Variants in MGMT observed in about 807,000 individuals in gnomAD.
MGMT encodes O-6-methylguanine-DNA methyltransferase, also known as methylated-DNA--protein-cysteine methyltransferase.
A neutral mutation model predicts 15.9 loss-of-function variants in MGMT; 14 were observed. The ratio of observed to expected loss-of-function variants is 0.88; its 90% CI spans 0.58 to 1.37. The LOEUF (loss-of-function observed/expected upper bound fraction) is 1.37, where lower values mean the gene tolerates loss of function less well. MGMT is among the 40% of genes most tolerant of loss of function. The pLI, the probability that MGMT is intolerant of heterozygous loss-of-function variation, is 0.00. For synonymous variants in MGMT, 130 were observed against 118.2 expected (o/e 1.10, Z -0.65); for missense variants, 282 against 268.1 (o/e 1.05, Z -0.36).
chr10:129,710,803 CT>C (rs1848224637), intron 3 of MGMT, among the ~76,000 whole-genome samples: 1 of 152,350 alleles, frequency 6.6e-6, no homozygotes, highest in East Asian at 1.9e-4. Flanking sequence ...AATCAACCTG[CT>C]TTGCAGACTG....
intron 3 of MGMT, among the ~76,000 whole-genome samples, chr10:129,750,811 T>G (rs995943394): frequency 2.0e-5 from 3 of 152,236 alleles, no homozygotes; most frequent in Non-Finnish European, 2.9e-5. Context: ...TTGTGTCTGT[T>G]CTTTTACCAA....
chr10:129,702,837 G>T (rs369482605), intron 2 of MGMT, among the ~76,000 whole-genome samples: 1 of 152,174 alleles, frequency 6.6e-6, no homozygotes. Context: ...CATGAGCGTG[G>T]GCTACGGAGC....
intron 1 of MGMT, among the ~76,000 whole-genome samples, chr10:129,521,421 G>A (rs1325488318): frequency 1.3e-5 from 2 of 152,182 alleles, no homozygotes; most frequent in Non-Finnish European, 2.9e-5. Context: ...CCTGCAGTGT[G>A]AAGATTCTTC....
At chr10:129,588,486 A>G (rs1454737951) in intron 2 of MGMT, among the ~76,000 whole-genome samples, 2 of 151,692 alleles carry the variant, frequency 1.3e-5, no homozygotes, top group African/African-American at 2.4e-5. Context: ...TCCCTTTTTT[A>G]TTGCCCTCTG....
At chr10:129,581,409 C>T (rs867375919) in intron 2 of MGMT, among the ~76,000 whole-genome samples, 5 of 152,184 alleles carry the variant, frequency 3.3e-5, no homozygotes, top group South Asian at 4.1e-4. Context: ...GGCCCCAGGT[C>T]TTTCTGACCC....
intron 2 of MGMT, among the ~76,000 whole-genome samples, chr10:129,646,719 A>AATATATACATATATATAT (rs1847393057): frequency 8.6e-5 from 7 of 81,718 alleles, no homozygotes; most frequent in African/African-American, 3.3e-4. Flanking sequence ...GCCCATCAGA[A>AATATATACATATATATAT]ATATATATAT....
At chr10:129,544,912 TCTGTTTCTCC>T (rs2119776487) in intron 2 of MGMT, among the ~76,000 whole-genome samples, 1 of 152,284 alleles carries the variant, frequency 6.6e-6, no homozygotes, top group Admixed American at 6.5e-5. Context: ...TCCTGGAGTC[TCTGTTTCTCC>T]CAGAAGAGGC....
chr10:129,475,618 T>C (rs762505854), intron 1 of MGMT, among the ~76,000 whole-genome samples: 6 of 152,204 alleles, frequency 3.9e-5, no homozygotes, highest in Admixed American at 2.0e-4. Flanking sequence ...TCGAGTCAGA[T>C]GGATGCTGTG....
At chr10:129,494,295 G>A (rs1301727934) in intron 1 of MGMT, among the ~76,000 whole-genome samples, 1 of 152,130 alleles carries the variant, frequency 6.6e-6, no homozygotes, top group African/African-American at 2.4e-5. Flanking sequence ...TCAGTCACCT[G>A]GGGAGTGGGT....
chr10:129,737,915 A>C (rs1848583413), intron 3 of MGMT, among the ~76,000 whole-genome samples: 1 of 152,196 alleles, frequency 6.6e-6, no homozygotes, highest in Non-Finnish European at 1.5e-5. Flanking sequence ...GCCCGTTCTC[A>C]GATCTGTAGC....
chr10:129,579,712 G>C (rs1160815328), intron 2 of MGMT, among the ~76,000 whole-genome samples: 1 of 152,224 alleles, frequency 6.6e-6, no homozygotes, highest in Non-Finnish European at 1.5e-5. Context: ...AACCATCTCT[G>C]TCTGCGTGGT....
intron 2 of MGMT, among the ~76,000 whole-genome samples, chr10:129,571,778 G>C (rs1170757214): frequency 6.6e-6 from 1 of 152,136 alleles, no homozygotes; most frequent in Admixed American, 6.5e-5. Flanking sequence ...TTATTTGCTG[G>C]TCATAATATG....
chr10:129,605,929 T>C (rs1846884550), intron 2 of MGMT, among the ~76,000 whole-genome samples: 1 of 152,134 alleles, frequency 6.6e-6, no homozygotes, highest in Non-Finnish European at 1.5e-5. Flanking sequence ...ACATGAGTTA[T>C]TTATGCTCCA....
rs147325660 is a variant in MGMT at position 129,552,506 on chromosome 10, G to T, written c.125+16129G>T. Reference sequence around the variant, plus strand: ...AATTCTGAGTCTTTAGCTAAATTAAGTACATGTTCACGTGAGTGTGTGATT... The same window carrying T: ...AATTCTGAGTCTTTAGCTAAATTAATTACATGTTCACGTGAGTGTGTGATT... On this transcript the variant is annotated intron_variant, in intron 2 of 4. Transcript: ENST00000651593. Among the ~76,000 whole-genome samples, 234 of 152,352 alleles carry T rather than the reference G, an allele frequency of 1.5e-3. 1 individual carries two copies. The highest frequency in any genetic ancestry group is 2.6e-3 in the Non-Finnish European group (180 of 68,030).
intron 2 of MGMT, among the ~76,000 whole-genome samples, chr10:129,660,605 C>A (rs921664993): frequency 6.6e-6 from 1 of 152,180 alleles, no homozygotes; most frequent in African/African-American, 2.4e-5. Flanking sequence ...ACATGGAGCC[C>A]TCCACCATTA....
rs1026372494 is a variant in MGMT, at chr10:129,510,181, G to C, written c.-12-26060G>C. Among the ~76,000 whole-genome samples the C allele has an allele frequency of 2.6e-5, 4 of 151,876 alleles. No homozygotes were observed. In the South Asian group the frequency reaches 8.3e-4, roughly 31 times the overall value. ...AGGAAAGGAAATGTTCATGGGATGC[G>C]CCACAGAGATGATCCCTCGGAGAAT... On this transcript the variant is annotated intron_variant, in intron 1 of 4. Coordinates refer to ENST00000651593, the MANE Select transcript of MGMT (RefSeq NM_002412.5).
chr10:129,508,805 C>A (rs1010723869), intron 1 of MGMT, among the ~76,000 whole-genome samples: 33 of 152,106 alleles, frequency 2.2e-4, no homozygotes, highest in African/African-American at 7.7e-4. Context: ...TCTCGGCCTC[C>A]CAAAGTGCTG....
At chr10:129,527,890 C>T (rs28540413) in intron 1 of MGMT, among the ~76,000 whole-genome samples, 37,215 of 151,894 alleles carry the variant, frequency 0.25, 5,410 homozygotes, top group African/African-American at 0.41. Flanking sequence ...TGTGCTGCTT[C>T]CAGCGCCAGT....
chr10:129,671,068 C>A (rs529589391), intron 2 of MGMT, among the ~76,000 whole-genome samples: 2 of 152,298 alleles, frequency 1.3e-5, no homozygotes, highest in African/African-American at 4.8e-5. Flanking sequence ...CTGAAGCCAG[C>A]CAGCTCCGAG....
Sources: gnomAD v4.1 joint callset for allele counts (sites outside exome capture counted in the v4.1 genomes callset) on GRCh38, gnomAD v4.1.1 for gene constraint, MANE v1.5 for transcripts, NCBI Gene and HGNC (gene_info 2026-07-23, HGNC 2026-07-21) for gene names.